LSAMP: variants seen among roughly 807,000 people sequenced by gnomAD.
LSAMP encodes the protein limbic system-associated membrane protein.
A neutral mutation model predicts 38.6 loss-of-function variants in LSAMP; 7 were observed. The observed-to-expected ratio is 0.18, with a 90% CI of 0.10 to 0.34. The LOEUF (loss-of-function observed/expected upper bound fraction) is 0.34. Among genes scored for constraint, LSAMP ranks in the 10% least tolerant of loss-of-function variants. LSAMP has a pLI of 1.00. For missense variants in LSAMP, 313 were observed against 420.0 expected, an observed-to-expected ratio of 0.75 and a Z score of 2.23; for synonymous variants, 154 against 166.8, an observed-to-expected ratio of 0.92 and a Z score of 0.59.
intron 1 of LSAMP, among the ~76,000 whole-genome samples, chr3:116,259,624 C>A (rs1337375890): frequency 6.6e-6 from 1 of 152,108 alleles, no homozygotes; most frequent in Non-Finnish European, 1.5e-5. Flanking sequence ...GTAGTTTTAA[C>A]TTAGAAGGCA....
In LSAMP at chr3:116,123,472, A is replaced by G. The variant is rs893792600; in HGVS notation, c.156-36916T>C. Among the ~76,000 whole-genome samples the G allele has an allele frequency of 2.6e-5, 4 of 152,266 alleles. 1 individual carries two copies. The highest frequency in any genetic ancestry group is 4.1e-4 in the South Asian group (2 of 4,834). On this transcript the variant is annotated intron_variant, in intron 1 of 6. Coordinates refer to ENST00000490035, the MANE Select transcript of LSAMP (RefSeq NM_002338.5). ...TTCCAACAATAGGCAACATTATGCC[A>G]TATGGAAAACATGATGATGTAGAAG...
intron 3 of LSAMP, among the ~76,000 whole-genome samples, chr3:115,941,192 A>G (rs1274909395): frequency 6.6e-6 from 1 of 152,138 alleles, no homozygotes; most frequent in African/African-American, 2.4e-5. Flanking sequence ...AACATGTTCA[A>G]CATCACTAAT....
chr3:116,234,072 C>G (rs1311159575), intron 1 of LSAMP, among the ~76,000 whole-genome samples: 1 of 152,210 alleles, frequency 6.6e-6, no homozygotes, highest in Admixed American at 6.5e-5. Context: ...ACGTGGCTTT[C>G]AGAAACAAAT....
At chr3:116,130,818 A>C (rs1416902271) in intron 1 of LSAMP, among the ~76,000 whole-genome samples, 4 of 152,134 alleles carry the variant, frequency 2.6e-5, no homozygotes, top group Non-Finnish European at 5.9e-5. Context: ...GGTAGAGATC[A>C]TATCTATATA....
At chr3:115,821,442 G>A (rs998226383) in intron 6 of LSAMP, among the ~76,000 whole-genome samples, 9 of 152,178 alleles carry the variant, frequency 5.9e-5, no homozygotes, top group African/African-American at 1.2e-4. Flanking sequence ...TGTAGGTAAC[G>A]TAGAGTTTGG....
At chr3:115,958,536 T>G (rs551878924) in intron 3 of LSAMP, among the ~76,000 whole-genome samples, 1 of 151,918 alleles carries the variant, frequency 6.6e-6, no homozygotes, top group East Asian at 1.9e-4. Context: ...AAAATGGAGG[T>G]TGATATGAGG....
Position 116,410,482 on chromosome 3 carries a change from C to T in LSAMP, c.155+34395G>A, listed in dbSNP as rs543536532. Among the ~76,000 whole-genome samples the T allele has an allele frequency of 3.7e-3, 526 of 140,906 alleles. 1 individual carries two copies. The highest frequency in any genetic ancestry group is 0.015 in the African/African-American group (498 of 33,006). The allele number at this position is 140,906 out of a possible 152,430, so 92.4% of individuals were successfully genotyped here. A position where few individuals can be genotyped will look rare whatever the true frequency, so the allele number is the denominator to read the frequency against. Reference sequence around the variant, plus strand: ...TTTTAAAAATCTTTTGTAGGATTACCTAATTAGCCATTTTTTTTTTAAACT... The same window carrying T: ...TTTTAAAAATCTTTTGTAGGATTACTTAATTAGCCATTTTTTTTTTAAACT... On this transcript the variant is annotated intron_variant, in intron 1 of 6. Coordinates refer to ENST00000490035, the MANE Select transcript of LSAMP (RefSeq NM_002338.5).
rs74939973 is a variant in LSAMP, at chr3:115,820,469, G to A, written c.920-10055C>T. ...ACATGCTTAGATCTTAGCTCCTGAT[G>A]AGGTGGTAGAAGGAGACAATGGGGA... On this transcript the variant is annotated intron_variant, in intron 6 of 6. Transcript: ENST00000490035. 6.4e-4 allele frequency among the ~76,000 whole-genome samples: 97 copies of A among 152,316 alleles called. No homozygotes were observed. In the East Asian group the frequency reaches 0.017, roughly 27 times the overall value.
At position 116,109,567 on chromosome 3, in the gene LSAMP, C is replaced by G. The variant is rs1368428059; in HGVS notation, c.156-23011G>C. On this transcript the variant is annotated intron_variant, in intron 1 of 6. Coordinates refer to ENST00000490035, the MANE Select transcript of LSAMP (RefSeq NM_002338.5). ...CTCAGACCATTTGCTCATTTTACAA[C>G]AAGAAATATTTAGATCTTGTAGGAT... Among the ~76,000 whole-genome samples, 7 of 152,150 alleles carry G rather than the reference C, an allele frequency of 4.6e-5. No individual in the cohort carries two copies. In the East Asian group the frequency reaches 1.4e-3, roughly 29 times the overall value.
chr3:115,888,977 A>G (rs1255337288), intron 3 of LSAMP, among the ~76,000 whole-genome samples: 2 of 151,958 alleles, frequency 1.3e-5, no homozygotes, highest in Non-Finnish European at 2.9e-5. Flanking sequence ...TCTTTCTTCA[A>G]CCACGCAGAG....
intron 2 of LSAMP, among the ~76,000 whole-genome samples, chr3:116,036,749 TAG>T (rs1428686441): frequency 6.6e-6 from 1 of 152,208 alleles, no homozygotes; most frequent in East Asian, 1.9e-4. Context: ...TTCTCATCAA[TAG>T]AGTCACAACT....
chr3:116,017,097 T>C (rs1345134847), intron 3 of LSAMP, among the ~76,000 whole-genome samples: 1 of 152,118 alleles, frequency 6.6e-6, no homozygotes, highest in Non-Finnish European at 1.5e-5. Context: ...TCAAGTCACA[T>C]GTTCATTATC....
intron 1 of LSAMP, among the ~76,000 whole-genome samples, chr3:116,258,734 C>T (rs2046788170): frequency 6.6e-6 from 1 of 152,092 alleles, no homozygotes; most frequent in East Asian, 1.9e-4. Flanking sequence ...GTGAACACAA[C>T]ACTTGCCTGA....
intron 1 of LSAMP, among the ~76,000 whole-genome samples, chr3:116,208,147 C>T (rs1384343691): frequency 2.6e-5 from 4 of 151,898 alleles, no homozygotes; most frequent in African/African-American, 7.3e-5. Context: ...TCATTTCATT[C>T]ATTTCATCTT....
intron 3 of LSAMP, among the ~76,000 whole-genome samples, chr3:115,889,650 A>G (rs1018571024): frequency 1.3e-5 from 2 of 151,986 alleles, no homozygotes; most frequent in Admixed American, 6.6e-5. Context: ...AGTAAAAACT[A>G]GCAGTGACCT....
chr3:116,391,820 A>G (rs2048703709), intron 1 of LSAMP, among the ~76,000 whole-genome samples: 3 of 152,120 alleles, frequency 2.0e-5, no homozygotes. Flanking sequence ...CTCACCCCCA[A>G]CTGATGGTGT....
intron 1 of LSAMP, among the ~76,000 whole-genome samples, chr3:116,115,512 T>C (rs1368983830): frequency 6.6e-6 from 1 of 152,254 alleles, no homozygotes; most frequent in Non-Finnish European, 1.5e-5. Context: ...ACCTCTGTCC[T>C]GTGTTCAGTC....
intron 2 of LSAMP, among the ~76,000 whole-genome samples, chr3:116,069,454 A>G (rs1707547053): frequency 6.6e-6 from 1 of 152,218 alleles, no homozygotes; most frequent in African/African-American, 2.4e-5. Context: ...GATTTTTAAG[A>G]CAGGAAATGA....
intron 3 of LSAMP, among the ~76,000 whole-genome samples, chr3:115,881,058 A>AAATAAATG (rs1318377956): frequency 6.6e-6 from 1 of 151,674 alleles, no homozygotes; most frequent in African/African-American, 2.4e-5. Flanking sequence ...ATAAATAAAT[A>AAATAAATG]AATAAATAAA....
Sources: allele counts gnomAD v4.1 joint callset (sites outside exome capture counted in the v4.1 genomes callset), GRCh38; gene constraint gnomAD v4.1.1; transcripts MANE v1.5; gene names NCBI Gene and HGNC (gene_info 2026-07-23, HGNC 2026-07-21).